Variants in PDE12 observed in about 807,000 individuals in gnomAD.
PDE12 encodes the protein phosphodiesterase 12.
A neutral mutation model predicts 45.4 loss-of-function variants in PDE12; 26 were observed. The observed-to-expected ratio is 0.57, with a 90% CI of 0.42 to 0.79. The LOEUF (loss-of-function observed/expected upper bound fraction) is 0.79. Ranked by LOEUF, PDE12 falls within the 30% of genes least tolerant of loss-of-function variation. The probability of loss-of-function intolerance (pLI) is 0.00; values close to 1 mark genes in which losing one functional copy is unlikely to be tolerated. For missense variants in PDE12, 668 were observed against 790.0 expected, an observed-to-expected ratio of 0.85 and a Z score of 1.85; for synonymous variants, 283 against 323.9, an observed-to-expected ratio of 0.87 and a Z score of 1.36.
the PDE12 span, among the ~76,000 whole-genome samples, chr3:57,644,896 TC>T: frequency 4.9e-3 from 732 of 149,936 alleles, 6 homozygotes; most frequent in African/African-American, 0.017. Flanking sequence ...GTATTGATGA[TC>T]TGGCAAGAAC....
At chr3:57,618,627 T>TTTTGGG in the PDE12 span, among the ~76,000 whole-genome samples, 3 of 136,844 alleles carry the variant, frequency 2.2e-5, no homozygotes, top group Admixed American at 8.2e-5. Context: ...TTTTTTTTTT[T>TTTTGGG]GAGATGGAGT....
At chr3:57,602,068 T>C in the PDE12 span, among the ~76,000 whole-genome samples, 90 of 152,262 alleles carry the variant, frequency 5.9e-4, no homozygotes, top group Middle Eastern at 3.4e-3. Flanking sequence ...CTTTGAATTT[T>C]TTAAAACATT....
chr3:57,561,744 A>G lies in PDE12; in HGVS notation c.*1740A>G. ...CTTTAATCTCTGAACCTAGTATCAT[A>G]AGAATTTCCTCTTTTGATAACATCT... On this transcript the variant is annotated 3_prime_UTR_variant, in exon 3 of 3. Coordinates refer to ENST00000311180, the MANE Select transcript of PDE12 (RefSeq NM_177966.7). 1.0e-6 allele frequency: 1 copy of G among 984,908 alleles called. No individual in the cohort carries two copies. The allele number at this position is 984,908 out of a possible 1,614,324, so 61.0% of individuals were successfully genotyped here.
the PDE12 span, among the ~76,000 whole-genome samples, chr3:57,632,043 C>T: frequency 1.1e-5 from 1 of 93,664 alleles, no homozygotes; most frequent in African/African-American, 4.2e-5. Context: ...TTTTTTGAGA[C>T]GGAGTCTCAC....
chr3:57,559,812 A>AC lies in PDE12; in HGVS notation c.1640dup (p.Ala548CysfsTer19). ...TCAAGCTGAAAAGTGCTTGTGGTGA[A>AC]CCTGCTTACACAAATTATGTTGGTG... On this transcript the variant is annotated frameshift_variant, in exon 3 of 3. Transcript: ENST00000311180. LOFTEE classifies it high-confidence loss of function. 1 of 1,614,216 alleles carries AC rather than the reference A, an allele frequency of 6.2e-7. No individual in the cohort carries two copies. Among genetic ancestry groups the AC allele is most frequent in the Non-Finnish European group, 8.5e-7 (1 of 1,180,032 alleles).
At chr3:57,558,763 T>G (rs1211634274) in intron 1 of PDE12, among the ~76,000 whole-genome samples, 1 of 151,830 alleles carries the variant, frequency 6.6e-6, no homozygotes, top group South Asian at 2.1e-4. Context: ...GTGCTGGGAT[T>G]ACAGGCGTGA....
chr3:57,614,917 C>T, the PDE12 span, among the ~76,000 whole-genome samples: 1 of 150,618 alleles, frequency 6.6e-6, no homozygotes, highest in Non-Finnish European at 1.5e-5. Flanking sequence ...CGCTTGAATC[C>T]GGGCGGCAGA....
chr3:57,646,962 A>C, the PDE12 span, among the ~76,000 whole-genome samples: 1 of 152,166 alleles, frequency 6.6e-6, no homozygotes. Flanking sequence ...AGTGCTGAGT[A>C]TTTTTACAGC....
the PDE12 span, among the ~76,000 whole-genome samples, chr3:57,652,450 C>T: frequency 6.6e-6 from 1 of 152,170 alleles, no homozygotes; most frequent in Non-Finnish European, 1.5e-5. Flanking sequence ...CAGATAACAA[C>T]TTGACTGCAA....
chr3:57,582,660 C>A, the PDE12 span, among the ~76,000 whole-genome samples: 5 of 152,102 alleles, frequency 3.3e-5, no homozygotes, highest in Non-Finnish European at 7.3e-5. Context: ...GCAATAAACC[C>A]CACTTGTATG....
At chr3:57,640,061 G>C in the PDE12 span, among the ~76,000 whole-genome samples, 1 of 151,052 alleles carries the variant, frequency 6.6e-6, no homozygotes, top group Non-Finnish European at 1.5e-5. Flanking sequence ...TGGAGGTCTG[G>C]AGTTTGAGAC....
At chr3:57,630,886 A>G in the PDE12 span, 3 of 1,610,766 alleles carry the variant, frequency 1.9e-6, no homozygotes, top group South Asian at 2.2e-5. Flanking sequence ...GAAGTTAATT[A>G]CAGTTAGAGG....
At chr3:57,645,697 C>T in the PDE12 span, 1 of 1,613,132 alleles carries the variant, frequency 6.2e-7, no homozygotes, top group Non-Finnish European at 8.5e-7. Context: ...TTTGAATTCA[C>T]TATCATGAAT....
chr3:57,610,775 A>G, the PDE12 span, among the ~76,000 whole-genome samples: 1 of 152,202 alleles, frequency 6.6e-6, no homozygotes, highest in Admixed American at 6.5e-5. Context: ...GCTTATGGAT[A>G]GGAAGAATCA....
chr3:57,590,891 G>A, the PDE12 span, among the ~76,000 whole-genome samples: 1 of 152,132 alleles, frequency 6.6e-6, no homozygotes, highest in African/African-American at 2.4e-5. Flanking sequence ...ATGGTATGGT[G>A]CCCAGGCTGC....
chr3:57,633,084 T>C, the PDE12 span, among the ~76,000 whole-genome samples: 8 of 152,148 alleles, frequency 5.3e-5, no homozygotes, highest in Admixed American at 6.6e-5. Flanking sequence ...CTTACCAAAG[T>C]TGAACAGTTA....
At chr3:57,648,702 A>C in the PDE12 span, among the ~76,000 whole-genome samples, 1 of 152,242 alleles carries the variant, frequency 6.6e-6, no homozygotes, top group Admixed American at 6.5e-5. Context: ...GAGAACCCAG[A>C]GATAAAGCCA....
At chr3:57,623,545 G>A in the PDE12 span, among the ~76,000 whole-genome samples, 1 of 152,128 alleles carries the variant, frequency 6.6e-6, no homozygotes, top group African/African-American at 2.4e-5. Flanking sequence ...TGGGTATGGT[G>A]GCGCACGCCT....
chr3:57,599,871 T>TA, the PDE12 span, among the ~76,000 whole-genome samples: 2 of 150,338 alleles, frequency 1.3e-5, no homozygotes, highest in East Asian at 1.9e-4. Context: ...TTTTTTTTTT[T>TA]AATAAATAAG....
Sources: gnomAD v4.1 joint callset for allele counts (sites outside exome capture counted in the v4.1 genomes callset) on GRCh38, gnomAD v4.1.1 for gene constraint, MANE v1.5 for transcripts, NCBI Gene and HGNC (gene_info 2026-07-23, HGNC 2026-07-21) for gene names.